Variants in MVB12B observed in about 807,000 individuals in gnomAD.
The protein encoded by MVB12B is ESCRT-I complex subunit MVB12B.
A neutral mutation model predicts 41.6 loss-of-function variants in MVB12B; 16 were observed. The ratio of observed to expected loss-of-function variants is 0.38; its 90% CI spans 0.26 to 0.58. The LOEUF is 0.58. Ranked by LOEUF, MVB12B falls within the 20% of genes least tolerant of loss-of-function variation. MVB12B has a pLI of 0.62. For synonymous variants in MVB12B, 133 were observed against 139.7 expected (o/e 0.95, Z 0.34); for missense variants, 274 against 380.2 (o/e 0.72, Z 2.32).
At chr9:126,410,582 C>A (rs1484383322) in intron 6 of MVB12B, among the ~76,000 whole-genome samples, 4 of 152,102 alleles carry the variant, frequency 2.6e-5, no homozygotes, top group Non-Finnish European at 5.9e-5. Flanking sequence ...AGTGAAAATT[C>A]CAGGAACAAA....
At chr9:126,356,766 G>A (rs1331796802) in intron 2 of MVB12B, among the ~76,000 whole-genome samples, 1 of 151,944 alleles carries the variant, frequency 6.6e-6, no homozygotes. Flanking sequence ...GAGAGTTCTC[G>A]AGAGACCTGA....
At chr9:126,483,884 T>C (rs1333733203) in intron 8 of MVB12B, 89 bp from the exon 9 acceptor site, 3 of 1,350,742 alleles carry the variant, frequency 2.2e-6, no homozygotes, top group Non-Finnish European at 3.2e-6. Context: ...ACACCGTGGC[T>C]TGAGGTGTTA....
intron 4 of MVB12B, among the ~76,000 whole-genome samples, chr9:126,390,106 G>A (rs141058445): frequency 2.0e-5 from 3 of 152,244 alleles, no homozygotes; most frequent in African/African-American, 7.2e-5. Context: ...GCTGTTGAAT[G>A]TCTTACTTCC....
At chr9:126,490,343 CT>C (rs1564350008) in intron 9 of MVB12B, among the ~76,000 whole-genome samples, 1 of 152,180 alleles carries the variant, frequency 6.6e-6, no homozygotes, top group Non-Finnish European at 1.5e-5. Flanking sequence ...AGGCAGCAGC[CT>C]TGGGTGTAGG....
intron 2 of MVB12B, among the ~76,000 whole-genome samples, chr9:126,374,795 T>G (rs1161238484): frequency 1.3e-5 from 2 of 152,348 alleles, no homozygotes; most frequent in Admixed American, 6.5e-5. Context: ...ATGTCCCTGA[T>G]GGCAGCAATA....
At chr9:126,488,116 G>T (rs920245923) in intron 9 of MVB12B, among the ~76,000 whole-genome samples, 14 of 152,292 alleles carry the variant, frequency 9.2e-5, no homozygotes, top group African/African-American at 3.4e-4. Context: ...GGGAGTTGGG[G>T]GCTCAGGGAG....
intron 7 of MVB12B, among the ~76,000 whole-genome samples, chr9:126,465,373 A>G (rs984337907): frequency 5.9e-5 from 9 of 152,046 alleles, no homozygotes; most frequent in African/African-American, 1.4e-4. Flanking sequence ...CCCTCAGACC[A>G]ATTGAATCAG....
At chr9:126,366,075 C>T (rs1830173234) in intron 2 of MVB12B, among the ~76,000 whole-genome samples, 1 of 152,146 alleles carries the variant, frequency 6.6e-6, no homozygotes, top group Non-Finnish European at 1.5e-5. Context: ...CTCTTCCCCT[C>T]CTCTGTGTCT....
At position 126,386,582 on chromosome 9, in the gene MVB12B, A is replaced by G; in HGVS notation, c.333A>G (p.Leu111=). ...SKENSHLGNV[L]VDMKLIDIKD... ...CCAAGAGTCATCTGGGGAACGTGTT[A>G]GTAGATATGAAGCTCATTGACATCA... Residue 111 remains leucine (L), a synonymous_variant, in exon 4 of 10, where the codon TTA becomes TTG. Transcript: ENST00000361171. The surrounding 1 kb of genome is among the most constrained non-coding windows in gnomAD (Gnocchi z 4.3). The G allele has an allele frequency of 6.2e-7, 1 of 1,613,768 alleles. No homozygotes were observed. Among genetic ancestry groups the G allele is most frequent in the Non-Finnish European group, 8.5e-7 (1 of 1,179,660 alleles).
At chr9:126,371,314 A>T (rs1830330607) in intron 2 of MVB12B, among the ~76,000 whole-genome samples, 1 of 152,164 alleles carries the variant, frequency 6.6e-6, no homozygotes, top group African/African-American at 2.4e-5. Flanking sequence ...CTTCCTGATG[A>T]CTTGGAACAG....
intron 8 of MVB12B, 80 bp downstream of exon 8, chr9:126,481,504 A>G: frequency 3.8e-6 from 4 of 1,061,314 alleles, no homozygotes; most frequent in East Asian, 2.4e-5. Context: ...CACAGCACGC[A>G]GGGCTGTTCT....
chr9:126,405,959 G>C (rs1193689634), intron 6 of MVB12B, among the ~76,000 whole-genome samples: 1 of 151,130 alleles, frequency 6.6e-6, no homozygotes, highest in Non-Finnish European at 1.5e-5. Flanking sequence ...TACACACACA[G>C]AGATAGATAT....
At chr9:126,477,093 C>T (rs1833437740) in intron 7 of MVB12B, among the ~76,000 whole-genome samples, 1 of 152,090 alleles carries the variant, frequency 6.6e-6, no homozygotes, top group Non-Finnish European at 1.5e-5. Flanking sequence ...GCATCTGCTT[C>T]TCGGGAAGCC....
chr9:126,476,332 A>G (rs1049841352), intron 7 of MVB12B, among the ~76,000 whole-genome samples: 1 of 152,178 alleles, frequency 6.6e-6, no homozygotes, highest in East Asian at 1.9e-4. Context: ...AGGGTGCCCC[A>G]GAAGGTCTGG....
At chr9:126,457,774 G>C (rs185019394) in intron 7 of MVB12B, among the ~76,000 whole-genome samples, 31 of 152,198 alleles carry the variant, frequency 2.0e-4, no homozygotes, top group African/African-American at 7.5e-4. Context: ...GTATGTGTTT[G>C]GGATTTTACA....
At chr9:126,495,911 A>G (rs559315117) in intron 9 of MVB12B, among the ~76,000 whole-genome samples, 1 of 152,226 alleles carries the variant, frequency 6.6e-6, no homozygotes, top group African/African-American at 2.4e-5. Context: ...ACTTAGACTC[A>G]TTTTCATCAT....
intron 7 of MVB12B, among the ~76,000 whole-genome samples, chr9:126,427,625 G>GA (rs964755947): frequency 4.0e-5 from 6 of 151,690 alleles, no homozygotes; most frequent in African/African-American, 1.2e-4. Flanking sequence ...TATCTCTTTT[G>GA]AAAAAAAATT....
intron 7 of MVB12B, among the ~76,000 whole-genome samples, chr9:126,455,887 CTT>C (rs3983803): frequency 0.21 from 21,292 of 101,964 alleles, 1,163 homozygotes; most frequent in Middle Eastern, 0.26. Flanking sequence ...TTCTTTCTTT[CTT>C]TTTTTTTTTT....
intron 7 of MVB12B, among the ~76,000 whole-genome samples, chr9:126,427,220 C>T (rs1832205784): frequency 6.6e-6 from 1 of 151,860 alleles, no homozygotes; most frequent in Admixed American, 6.6e-5. Context: ...TATATATATC[C>T]ATGTATTGGG....
Sources: gnomAD v4.1 joint callset for allele counts (sites outside exome capture counted in the v4.1 genomes callset) on GRCh38, gnomAD v4.1.1 for gene constraint, Gnocchi (gnomAD v3.1) non-coding constraint, MANE v1.5 for transcripts, NCBI Gene and HGNC (gene_info 2026-07-23, HGNC 2026-07-21) for gene names.